Variants in RIMS2 observed in about 807,000 individuals in gnomAD.
RIMS2 encodes the protein regulating synaptic membrane exocytosis 2, also known as regulating synaptic membrane exocytosis protein 2.
A neutral mutation model predicts 174.4 loss-of-function variants in RIMS2; 59 were observed. The ratio of observed to expected loss-of-function variants is 0.34; its 90% CI spans 0.27 to 0.42. The LOEUF is 0.42. Ranked by LOEUF, RIMS2 falls within the 10% of genes least tolerant of loss-of-function variation. The pLI is 1.00. For synonymous variants in RIMS2, 606 were observed against 572.5 expected, an observed-to-expected ratio of 1.06 and a Z score of -0.84; for missense variants, 1,620 against 1,666.3, an observed-to-expected ratio of 0.97 and a Z score of 0.48.
chr8:103,715,097 T>C (rs1276074534), intron 2 of RIMS2, among the ~76,000 whole-genome samples: 2 of 152,166 alleles, frequency 1.3e-5, no homozygotes, highest in Non-Finnish European at 2.9e-5. Context: ...TGGCATTATA[T>C]AGAGGCAGCA....
intron 1 of RIMS2, among the ~76,000 whole-genome samples, chr8:103,620,420 A>T (rs765690499): frequency 6.6e-6 from 1 of 152,080 alleles, no homozygotes; most frequent in Non-Finnish European, 1.5e-5. Flanking sequence ...TGACCGCATC[A>T]TTTAAAAGCT....
In RIMS2 at chr8:103,971,850, T is replaced by A. The variant is rs146955280; in HGVS notation, c.2771-3500T>A. Among the ~76,000 whole-genome samples the A allele has an allele frequency of 3.4e-3, 511 of 152,254 alleles. 2 individuals are homozygous for A. The highest frequency in any genetic ancestry group is 0.012 in the African/African-American group (483 of 41,558). On this transcript the variant is annotated intron_variant, in intron 15 of 23. Coordinates refer to ENST00000504942, the Ensembl canonical transcript of RIMS2. ...CCTCCCAAAGTGCTGGGATTAGAGG[T>A]ATGAGCCACCACAGCTGGCCAGTAG... is the stretch of plus-strand genomic sequence containing the variant.
intron 23 of RIMS2, 77 bp from the exon 30 acceptor site, chr8:104,251,523 TAG>T (rs2099359156): frequency 1.3e-6 from 1 of 791,004 alleles, no homozygotes; most frequent in South Asian, 1.5e-5. Flanking sequence ...GAATGTACTT[TAG>T]TATTTTAATA....
At chr8:103,942,473 A>G (rs2082757853) in intron 13 of RIMS2, among the ~76,000 whole-genome samples, 1 of 152,198 alleles carries the variant, frequency 6.6e-6, no homozygotes, top group South Asian at 2.1e-4. Context: ...TTATTATTAC[A>G]GTCATTTAAA....
intron 3 of RIMS2, among the ~76,000 whole-genome samples, chr8:103,884,430 A>C (rs1228336340): frequency 6.6e-6 from 1 of 151,826 alleles, no homozygotes; most frequent in Non-Finnish European, 1.5e-5. Flanking sequence ...TTTATTCCAG[A>C]GAAAAGGTTA....
rs185840188 is a variant in RIMS2, at chr8:103,774,829, T to C, written c.698+8292T>C. Among the ~76,000 whole-genome samples the C allele has an allele frequency of 1.3e-3, 199 of 152,272 alleles. 1 individual carries two copies. The highest frequency in any genetic ancestry group is 2.4e-3 in the Non-Finnish European group (163 of 67,998). On this transcript the variant is annotated intron_variant, in intron 3 of 23. Coordinates refer to ENST00000504942, the Ensembl canonical transcript of RIMS2. ...CATAGGGGTATGGATTACTGGGTGA[T>C]GTATTTGTCAGTGGCTACTATAGCG...
intron 3 of RIMS2, among the ~76,000 whole-genome samples, chr8:103,804,635 A>G (rs566389274): frequency 9.2e-5 from 14 of 152,302 alleles, no homozygotes; most frequent in Admixed American, 8.5e-4. Context: ...AGATAGGAAT[A>G]TGTTTAATAT....
At chr8:103,686,939 T>A (rs111988485) in intron 1 of RIMS2, among the ~76,000 whole-genome samples, 1 of 152,032 alleles carries the variant, frequency 6.6e-6, no homozygotes, top group Non-Finnish European at 1.5e-5. Context: ...TTTGTGTGGT[T>A]TTAGTGACAG....
At chr8:103,584,505 T>C (rs781011639) in intron 1 of RIMS2, among the ~76,000 whole-genome samples, 1 of 151,994 alleles carries the variant, frequency 6.6e-6, no homozygotes, top group Non-Finnish European at 1.5e-5. Flanking sequence ...GAGTAAATAA[T>C]GACACAATCA....
At chr8:103,997,524 G>A (rs893386883) in intron 17 of RIMS2, among the ~76,000 whole-genome samples, 2 of 151,772 alleles carry the variant, frequency 1.3e-5, no homozygotes, top group African/African-American at 4.8e-5. Context: ...GTGGAAAGAA[G>A]AGATGGGTAA....
chr8:103,666,102 G>T (rs1201197630), intron 1 of RIMS2, among the ~76,000 whole-genome samples: 1 of 152,152 alleles, frequency 6.6e-6, no homozygotes, highest in African/African-American at 2.4e-5. Context: ...GAGAGACTTT[G>T]GCACTGCCAC....
At chr8:104,015,509 A>G in intron 19 of RIMS2, 1 of 627,092 alleles carries the variant, frequency 1.6e-6, no homozygotes, top group Non-Finnish European at 2.8e-6. Context: ...TTGGGGGGCT[A>G]GTAAGCAAAA....
chr8:103,604,410 T>C (rs1563970161), intron 1 of RIMS2, among the ~76,000 whole-genome samples: 1 of 152,164 alleles, frequency 6.6e-6, no homozygotes, highest in East Asian at 1.9e-4. Context: ...AGCCTTGTAG[T>C]ATAGTTTGAA....
chr8:103,889,931 C>A (rs189867059), intron 4 of RIMS2, among the ~76,000 whole-genome samples: 73 of 151,970 alleles, frequency 4.8e-4, no homozygotes, highest in Non-Finnish European at 8.3e-4. Context: ...TGATCAAACC[C>A]TGGTTCTGTC....
chr8:104,220,658 G>A (rs1024406136), intron 19 of RIMS2, among the ~76,000 whole-genome samples: 1 of 152,044 alleles, frequency 6.6e-6, no homozygotes, highest in Non-Finnish European at 1.5e-5. Flanking sequence ...AGTGCAGTGA[G>A]ACCATCACTG....
intron 1 of RIMS2, among the ~76,000 whole-genome samples, chr8:103,634,321 G>T (rs948276712): frequency 3.9e-5 from 6 of 152,120 alleles, no homozygotes; most frequent in African/African-American, 1.2e-4. Context: ...CCATGTAATT[G>T]TATTGTTTCG....
rs371509625 is a variant in RIMS2, at chr8:103,921,799, C to T, written c.2196+15C>T. On this transcript the variant is annotated intron_variant, in intron 10 of 23. Coordinates refer to ENST00000504942, the Ensembl canonical transcript of RIMS2. ...GACAACTTTCAGTATGTAGTCATTA[C>T]GTTTACTCTTCTTTTTGGAATATCA... The T allele has an allele frequency of 7.3e-6, 7 of 964,542 alleles. No individual in the cohort carries two copies. The East Asian group carries it at 7.3e-5, about 10-fold the overall frequency. 59.7% of individuals were successfully genotyped at this position (964,542 alleles called of 1,614,324 possible).
chr8:103,848,131 A>T (rs1016734389), intron 3 of RIMS2, among the ~76,000 whole-genome samples: 2 of 151,910 alleles, frequency 1.3e-5, no homozygotes, highest in Non-Finnish European at 2.9e-5. Flanking sequence ...TCCTGTCCAT[A>T]TGTGTTATGA....
At chr8:103,709,550 G>T (rs775243116) in intron 2 of RIMS2, among the ~76,000 whole-genome samples, 1 of 152,058 alleles carries the variant, frequency 6.6e-6, no homozygotes. Flanking sequence ...GCTCAGTTTA[G>T]CACTAATTAT....
Sources: gnomAD v4.1 joint callset for allele counts (sites outside exome capture counted in the v4.1 genomes callset) on GRCh38, gnomAD v4.1.1 for gene constraint, MANE v1.5 for transcripts, NCBI Gene and HGNC (gene_info 2026-07-23, HGNC 2026-07-21) for gene names.